The following STARD13 variants were observed in gnomAD, a reference collection of about 807,000 sequenced individuals.
STARD13 encodes StAR related lipid transfer domain containing 13, also known as stAR-related lipid transfer protein 13.
STARD13 carries 62 observed loss-of-function variants against 106.4 expected under a neutral mutation model. That is an observed-to-expected ratio of 0.58 (90% CI 0.48 to 0.72). The LOEUF is 0.72. STARD13 is among the 30% of genes least tolerant of loss of function. The pLI, the probability that STARD13 is intolerant of heterozygous loss-of-function variation, is 0.00. For missense variants in STARD13, 1,387 were observed against 1,424.0 expected, an observed-to-expected ratio of 0.97 and a Z score of 0.42; for synonymous variants, 565 against 553.0, an observed-to-expected ratio of 1.02 and a Z score of -0.31.
At chr13:33,450,568 A>T in the STARD13 span, among the ~76,000 whole-genome samples, 1 of 152,218 alleles carries the variant, frequency 6.6e-6, no homozygotes, top group African/African-American at 2.4e-5. Context: ...TGGAGCCTGA[A>T]TGAGATCATA....
the STARD13 span, among the ~76,000 whole-genome samples, chr13:33,575,321 T>A: frequency 8.3e-4 from 127 of 152,326 alleles, no homozygotes; most frequent in Non-Finnish European, 1.3e-3. Flanking sequence ...AAAATATAAT[T>A]TGGACAAATT....
chr13:33,170,716 G>A (rs1883860287), intron 1 of STARD13, among the ~76,000 whole-genome samples: 1 of 152,000 alleles, frequency 6.6e-6, no homozygotes, highest in South Asian at 2.1e-4. Flanking sequence ...CATTCTATTT[G>A]CCCAAATGTC....
chr13:33,591,480 C>A, the STARD13 span, among the ~76,000 whole-genome samples: 1 of 152,132 alleles, frequency 6.6e-6, no homozygotes. Context: ...AGATTATGCA[C>A]AAGAAAGTTT....
chr13:33,499,521 TC>T, the STARD13 span, among the ~76,000 whole-genome samples: 2 of 48,996 alleles, frequency 4.1e-5, no homozygotes, highest in African/African-American at 1.3e-4. Flanking sequence ...CTTCTTTCTT[TC>T]TTCTTCTTCT....
the STARD13 span, among the ~76,000 whole-genome samples, chr13:33,463,847 A>G: frequency 6.6e-6 from 1 of 151,912 alleles, no homozygotes; most frequent in Non-Finnish European, 1.5e-5. Flanking sequence ...CCCCATTTCT[A>G]CTAAAACTGC....
chr13:33,197,898 C>T (rs547030495), intron 1 of STARD13, among the ~76,000 whole-genome samples: 108 of 152,268 alleles, frequency 7.1e-4, no homozygotes, highest in Middle Eastern at 3.4e-3. Context: ...AGGCCGGGCG[C>T]GGTGGCTCAC....
At chr13:33,249,576 G>A (rs907073339) in intron 1 of STARD13, among the ~76,000 whole-genome samples, 1 of 152,032 alleles carries the variant, frequency 6.6e-6, no homozygotes, top group African/African-American at 2.4e-5. Flanking sequence ...TGCAACAATC[G>A]TACAATGCAG....
At chr13:33,149,783 C>T (rs1375497330) in intron 3 of STARD13, among the ~76,000 whole-genome samples, 1 of 152,188 alleles carries the variant, frequency 6.6e-6, no homozygotes, top group Non-Finnish European at 1.5e-5. Context: ...ATCTGACTGC[C>T]TCAAGTAAAA....
At chr13:33,659,131 A>G in the STARD13 span, among the ~76,000 whole-genome samples, 6 of 152,154 alleles carry the variant, frequency 3.9e-5, no homozygotes, top group African/African-American at 1.2e-4. Flanking sequence ...GACCCACCGT[A>G]GCAAATTAAT....
the STARD13 span, among the ~76,000 whole-genome samples, chr13:33,471,083 C>G: frequency 6.6e-6 from 1 of 152,140 alleles, no homozygotes; most frequent in Non-Finnish European, 1.5e-5. Context: ...TTTAATCCAT[C>G]TTGAATTAAT....
At chr13:33,307,256 C>T (rs1892945021) in intron 1 of STARD13, among the ~76,000 whole-genome samples, 2 of 152,164 alleles carry the variant, frequency 1.3e-5, no homozygotes, top group Non-Finnish European at 2.9e-5. Context: ...GGCAATTCCT[C>T]AAAGACCTAA....
intron 1 of STARD13, among the ~76,000 whole-genome samples, chr13:33,219,051 C>T (rs756721711): frequency 6.6e-6 from 1 of 152,096 alleles, no homozygotes; most frequent in Non-Finnish European, 1.5e-5. Flanking sequence ...ATATAACAAT[C>T]GTGTTTACTA....
At chr13:33,528,277 CT>C in the STARD13 span, among the ~76,000 whole-genome samples, 65 of 93,426 alleles carry the variant, frequency 7.0e-4, 5 homozygotes, top group African/African-American at 3.3e-3. Context: ...TATATATACT[CT>C]TTTTTTTTTT....
chr13:33,580,634 G>A, the STARD13 span, among the ~76,000 whole-genome samples: 2 of 152,072 alleles, frequency 1.3e-5, no homozygotes. Context: ...GAAATGAGCA[G>A]TATTGTGGAG....
At chr13:33,117,740 A>G (rs964204887) in intron 8 of STARD13, 3 of 910,274 alleles carry the variant, frequency 3.3e-6, no homozygotes, top group Non-Finnish European at 3.9e-6. Context: ...ATAAATACCT[A>G]TATATAAAAC....
the STARD13 span, among the ~76,000 whole-genome samples, chr13:33,462,657 G>A: frequency 6.6e-6 from 1 of 152,250 alleles, no homozygotes; most frequent in Non-Finnish European, 1.5e-5. Context: ...AAAAGCTGAA[G>A]GGCTTGGAGT....
At chr13:33,467,048 G>A in the STARD13 span, among the ~76,000 whole-genome samples, 2 of 151,868 alleles carry the variant, frequency 1.3e-5, no homozygotes, top group Non-Finnish European at 2.9e-5. Context: ...GGGTTGAGGG[G>A]GTGGGGATGA....
the STARD13 span, among the ~76,000 whole-genome samples, chr13:33,582,838 G>T: frequency 6.6e-6 from 1 of 152,176 alleles, no homozygotes; most frequent in Non-Finnish European, 1.5e-5. Flanking sequence ...AGAGAGCTTT[G>T]TTAACATGCA....
At chr13:33,232,243 G>T (rs1026448674) in intron 1 of STARD13, among the ~76,000 whole-genome samples, 2 of 152,144 alleles carry the variant, frequency 1.3e-5, no homozygotes, top group African/African-American at 4.8e-5. Flanking sequence ...AACCCGGGAG[G>T]TGGAGGTTGC....
Sources: gnomAD v4.1 joint callset for allele counts (sites outside exome capture counted in the v4.1 genomes callset) on GRCh38, gnomAD v4.1.1 for gene constraint, MANE v1.5 for transcripts, NCBI Gene and HGNC (gene_info 2026-07-23, HGNC 2026-07-21) for gene names.